Variants in SF3B3 observed in about 807,000 individuals in gnomAD.
SF3B3 encodes the protein splicing factor 3b subunit 3.
Under a neutral mutation model 139.2 loss-of-function variants are expected in SF3B3, and 33 were observed. That is an observed-to-expected ratio of 0.24 (90% CI 0.18 to 0.32). The LOEUF is 0.32. Ranked by LOEUF, SF3B3 falls within the 10% of genes least tolerant of loss-of-function variation. SF3B3 has a pLI of 1.00. For missense variants in SF3B3, 818 were observed against 1,509.4 expected, an observed-to-expected ratio of 0.54 and a Z score of 7.59; for synonymous variants, 596 against 563.6, an observed-to-expected ratio of 1.06 and a Z score of -0.81.
chr16:70,550,113 G>C (rs889557763), intron 11 of SF3B3: 10 of 152,022 alleles, frequency 6.6e-5, no homozygotes, highest in Non-Finnish European at 1.2e-4. Context: ...TGTGGGTCTT[G>C]GTGGTTTCTT....
intron 8 of SF3B3, among the ~76,000 whole-genome samples, chr16:70,540,802 G>C (rs562015662): frequency 6.6e-6 from 1 of 151,790 alleles, no homozygotes; most frequent in East Asian, 1.9e-4. Flanking sequence ...TTTTTGTGGC[G>C]GAATAACTCA....
chr16:70,536,386 CGG>C (rs2050167137), intron 6 of SF3B3, among the ~76,000 whole-genome samples: 1 of 151,916 alleles, frequency 6.6e-6, no homozygotes, highest in African/African-American at 2.4e-5. Context: ...TTATTTGAGA[CGG>C]AGTCTCGCTC....
At chr16:70,569,190 C>A in intron 23 of SF3B3, 49 bp downstream of exon 23, 1 of 1,323,314 alleles carries the variant, frequency 7.6e-7, no homozygotes, top group East Asian at 2.4e-5. Context: ...AGCACTTTTC[C>A]TGTTGCCCTC....
In SF3B3 at chr16:70,565,426, G is replaced by C; in HGVS notation, c.2728G>C (p.Ala910Pro). 1 of 1,614,138 alleles carries C rather than the reference G, an allele frequency of 6.2e-7. No homozygotes were observed. The highest frequency in any genetic ancestry group is 8.5e-7 in the Non-Finnish European group (1 of 1,180,030). Residue 910 changes from alanine to proline, a missense_variant, in exon 20 of 26, where the codon GCC (alanine) becomes CCC (proline). Physicochemically the swap from Ala to Pro is conservative, Grantham distance 27. Coordinates refer to ENST00000302516, the MANE Select transcript of SF3B3 (RefSeq NM_012426.5). The stretch of plus-strand genomic sequence containing the variant: ...AGACTGGTATGTGCTGGTGGGTGTG[G>C]CCAAGGACCTGATACTAAACCCCCG... ...GEDWYVLVGV[A>P]KDLILNPRSV...
intron 17 of SF3B3, chr16:70,563,671 G>A: frequency 1.8e-6 from 1 of 545,102 alleles, no homozygotes; most frequent in Admixed American, 3.3e-5. Context: ...TTGTGGTAGG[G>A]TGTTGCCAAA....
chr16:70,525,839 T>C (rs1352715043), intron 1 of SF3B3, among the ~76,000 whole-genome samples: 1 of 151,588 alleles, frequency 6.6e-6, no homozygotes, highest in East Asian at 1.9e-4. Context: ...CGGGCGCCTG[T>C]TGTCCCAGCT....
At chr16:70,534,447 G>C (rs2050148269) in intron 5 of SF3B3, among the ~76,000 whole-genome samples, 1 of 152,162 alleles carries the variant, frequency 6.6e-6, no homozygotes, top group African/African-American at 2.4e-5. Flanking sequence ...AAGACTGTAA[G>C]AGGGGAGACT....
intron 18 of SF3B3, among the ~76,000 whole-genome samples, chr16:70,564,602 A>G (rs143436402): frequency 2.0e-4 from 31 of 152,324 alleles, no homozygotes; most frequent in East Asian, 1.3e-3. Context: ...ATTTGGGCCC[A>G]AAAGAGACAG....
intron 15 of SF3B3, among the ~76,000 whole-genome samples, chr16:70,559,768 C>CTT (rs35881730): frequency 2.1e-4 from 30 of 144,924 alleles, no homozygotes; most frequent in East Asian, 1.2e-3. Context: ...CTGAAAACTC[C>CTT]TTTTTTTTTT....
intron 9 of SF3B3, among the ~76,000 whole-genome samples, chr16:70,543,684 G>A (rs1002001469): frequency 2.0e-5 from 3 of 151,930 alleles, no homozygotes; most frequent in African/African-American, 7.3e-5. Flanking sequence ...CTCTAACCTC[G>A]GTGACAGAGT....
chr16:70,566,426 GT>G (rs2050477573), intron 20 of SF3B3, among the ~76,000 whole-genome samples: 1 of 151,864 alleles, frequency 6.6e-6, no homozygotes, highest in Admixed American at 6.6e-5. Context: ...GCCAAGCATG[GT>G]GGTGGGCGCC....
intron 6 of SF3B3, among the ~76,000 whole-genome samples, chr16:70,536,124 A>G (rs2050163531): frequency 6.6e-6 from 1 of 151,756 alleles, no homozygotes; most frequent in Admixed American, 6.6e-5. Context: ...TTTGTAATTA[A>G]TTGGCCTTTA....
chr16:70,540,351 C>T (rs115415434), intron 8 of SF3B3, among the ~76,000 whole-genome samples: 6 of 150,142 alleles, frequency 4.0e-5, no homozygotes, highest in African/African-American at 9.8e-5. Context: ...CGTGTGCCAC[C>T]GTGCCCAGCC....
chr16:70,566,031 C>T (rs1284461882), intron 20 of SF3B3, among the ~76,000 whole-genome samples: 1 of 151,812 alleles, frequency 6.6e-6, no homozygotes, highest in Admixed American at 6.6e-5. Flanking sequence ...ACAGGAGAAT[C>T]GCTTGAACCC....
intron 9 of SF3B3, among the ~76,000 whole-genome samples, chr16:70,543,041 A>T (rs2050234656): frequency 6.6e-6 from 1 of 152,056 alleles, no homozygotes; most frequent in African/African-American, 2.4e-5. Flanking sequence ...CTAATTTCTA[A>T]TTTGATTTTT....
intron 7 of SF3B3, 90 bp downstream of exon 7, chr16:70,538,550 C>A (rs1481802983): frequency 1.7e-6 from 2 of 1,181,670 alleles, no homozygotes; most frequent in African/African-American, 1.5e-5. Context: ...AAAATGAGAA[C>A]TTAGAAAGTA....
At chr16:70,542,077 A>T (rs1265387336) in intron 9 of SF3B3, among the ~76,000 whole-genome samples, 1 of 152,234 alleles carries the variant, frequency 6.6e-6, no homozygotes, top group Admixed American at 6.5e-5. Context: ...GGAAAAAATC[A>T]GACCATACAA....
chr16:70,532,147 C>G (rs568087299), intron 4 of SF3B3, among the ~76,000 whole-genome samples: 3 of 152,208 alleles, frequency 2.0e-5, no homozygotes, highest in African/African-American at 7.2e-5. Flanking sequence ...ACAAAATTAG[C>G]CAGGCGTGGT....
At position 70,573,873 on chromosome 16, in the gene SF3B3, CT is replaced by C. The variant is rs1262868523; in HGVS notation, c.*2061del. On this transcript the variant is annotated 3_prime_UTR_variant, in exon 26 of 26. Coordinates refer to ENST00000302516, the MANE Select transcript of SF3B3 (RefSeq NM_012426.5). ...AGTTTTTAGCTGCCTCAGCTTTCCC[CT>C]GACCTTACTGGCAGAGGTTCTGCAG... 2 of 152,222 alleles carry C rather than the reference CT, an allele frequency of 1.3e-5. No individual in the cohort carries two copies. The allele number at this position is 152,222 out of a possible 1,614,324, so 9.4% of individuals were successfully genotyped here.
Sources: allele counts gnomAD v4.1 joint callset (sites outside exome capture counted in the v4.1 genomes callset), GRCh38; gene constraint gnomAD v4.1.1; transcripts MANE v1.5; gene names NCBI Gene and HGNC (gene_info 2026-07-23, HGNC 2026-07-21).